Variants in ZNF599 observed in about 807,000 individuals in gnomAD.
The protein encoded by ZNF599 is zinc finger protein 599.
A neutral mutation model predicts 11.7 loss-of-function variants in ZNF599; 10 were observed. That is an observed-to-expected ratio of 0.86 (90% confidence interval 0.53 to 1.45). ZNF599 has a LOEUF of 1.45. ZNF599 is among the 40% of genes most tolerant of loss of function. The pLI, the probability that ZNF599 is intolerant of heterozygous loss-of-function variation, is 0.00. For missense variants in ZNF599, 688 were observed against 713.6 expected (o/e 0.96, Z 0.41); for synonymous variants, 232 against 253.2 (o/e 0.92, Z 0.79).
chr19:34,785,557 G>A, the ZNF599 span, among the ~76,000 whole-genome samples: 3 of 152,302 alleles, frequency 2.0e-5, no homozygotes, highest in Non-Finnish European at 2.9e-5. Context: ...CAGTGATGAT[G>A]GAAAGGGGAA....
chr19:34,760,612 A>T (rs1341473291), intron 3 of ZNF599, 53 bp from the exon 4 acceptor site: 2 of 1,450,508 alleles, frequency 1.4e-6, no homozygotes, highest in African/African-American at 1.4e-5. Context: ...TCAACAGAAC[A>T]AACAAAATCA....
At chr19:34,775,774 T>G (rs1344773232), upstream of ZNF599, among the ~76,000 whole-genome samples, 1 of 152,208 alleles carries the variant, frequency 6.6e-6, no homozygotes, top group Non-Finnish European at 1.5e-5. Flanking sequence ...AATCTAAGCT[T>G]TATTTATGAG....
Position 34,760,173 on chromosome 19 carries a change from T to G in ZNF599, c.628A>C (p.Lys210Gln). The G allele has an allele frequency of 6.2e-7, 1 of 1,614,162 alleles. No homozygotes were observed. Among genetic ancestry groups the G allele is most frequent in the Non-Finnish European group, 8.5e-7 (1 of 1,180,018 alleles). The change falls in exon 4 of 4, where the codon AAG (lysine) becomes CAG (glutamine). Residue 210 changes from lysine (K) to glutamine (Q), a missense_variant. Physicochemically the swap from Lys to Gln is moderately conservative, Grantham distance 53. Coordinates refer to ENST00000329285, the MANE Select transcript of ZNF599 (RefSeq NM_001007248.3). The stretch of plus-strand genomic sequence containing the variant: ...TGATGCCGAACAAGGGCCCACTTCT[T>G]GCTAAACCCTTTCCCACATTCCGTG... ...TCTECGKGFS[K>Q]KWALVRHQQI...
At chr19:34,773,669 T>G (rs185716450), upstream of ZNF599, among the ~76,000 whole-genome samples, 1 of 152,036 alleles carries the variant, frequency 6.6e-6, no homozygotes, top group African/African-American at 2.4e-5. Flanking sequence ...CCAATGCAAG[T>G]TCTTAGTCCC....
the ZNF599 span, among the ~76,000 whole-genome samples, chr19:34,792,784 A>G: frequency 2.0e-5 from 3 of 151,736 alleles, no homozygotes; most frequent in Admixed American, 2.0e-4. Flanking sequence ...AATGGCATGA[A>G]CCCAGGAGAC....
Position 34,759,156 on chromosome 19 carries a change from CAA to C in ZNF599, c.1643_1644del (p.Phe548CysfsTer16). 6.2e-7 allele frequency: 1 copy of C among 1,613,118 alleles called. No homozygotes were observed. The highest frequency in any genetic ancestry group is 1.1e-5 in the South Asian group (1 of 90,982). On this transcript the variant is annotated frameshift_variant, in exon 4 of 4. Coordinates refer to ENST00000329285, the MANE Select transcript of ZNF599 (RefSeq NM_001007248.3). LOFTEE classifies it low-confidence loss of function (END_TRUNC). ...TGAGTTCTCATGTGCTGAGTTAAAG[CAA>C]AGTTGTCACAGAAGGCTTTCTCACA... ...KECEKAFCDN[F>X]ALTQHMRTHT...
intron 2 of ZNF599, 86 bp from the exon 3 acceptor site, chr19:34,767,497 C>T: frequency 2.0e-6 from 2 of 998,462 alleles, no homozygotes; most frequent in Non-Finnish European, 1.5e-6. Flanking sequence ...ATATATTTAA[C>T]ATACTGCAAT....
In ZNF599 at chr19:34,773,002, G is replaced by A. The variant is rs1198696413; in HGVS notation, c.-161C>T. 1.2e-6 allele frequency: 1 copy of A among 836,362 alleles called. No individual in the cohort carries two copies. 51.8% of individuals were successfully genotyped at this position (836,362 alleles called of 1,614,324 possible). A position where few individuals can be genotyped will look rare whatever the true frequency, so the allele number is the denominator to read the frequency against. ...CGGCGCCGCCTCTGCGCGCCGTGAG[G>A]ACACAGGGCTGTCGCCAAGGCCCCA... is the stretch of plus-strand genomic sequence containing the variant. On this transcript the variant is annotated 5_prime_UTR_variant, in exon 1 of 4. Transcript: ENST00000329285.
chr19:34,783,714 C>T, the ZNF599 span, among the ~76,000 whole-genome samples: 1 of 152,162 alleles, frequency 6.6e-6, no homozygotes, highest in Non-Finnish European at 1.5e-5. Context: ...AGGGGCCCAA[C>T]GCCATCTCCC....
At chr19:34,791,472 G>T in the ZNF599 span, among the ~76,000 whole-genome samples, 1 of 152,198 alleles carries the variant, frequency 6.6e-6, no homozygotes, top group African/African-American at 2.4e-5. Flanking sequence ...CTCTCCTTGT[G>T]CTGGGCTGCT....
chr19:34,762,045 C>A (rs943235306), intron 3 of ZNF599, among the ~76,000 whole-genome samples: 1 of 152,070 alleles, frequency 6.6e-6, no homozygotes, highest in Non-Finnish European at 1.5e-5. Context: ...AAGACCATGG[C>A]GCCAGGAAGA....
At chr19:34,807,147 A>T in the ZNF599 span, among the ~76,000 whole-genome samples, 3 of 151,928 alleles carry the variant, frequency 2.0e-5, no homozygotes, top group African/African-American at 7.3e-5. Flanking sequence ...ATCTTCTGTG[A>T]CTCACCACAC....
chr19:34,805,954 T>C, the ZNF599 span, among the ~76,000 whole-genome samples: 1 of 152,184 alleles, frequency 6.6e-6, no homozygotes, highest in South Asian at 2.1e-4. Flanking sequence ...GGAACTATTA[T>C]ATATACTACC....
chr19:34,797,635 T>C, the ZNF599 span, among the ~76,000 whole-genome samples: 1 of 152,224 alleles, frequency 6.6e-6, no homozygotes, highest in Non-Finnish European at 1.5e-5. Flanking sequence ...TCTGGGAACA[T>C]CTGTATGCAG....
Position 34,767,376 on chromosome 19 carries a change from GTAGA to G in ZNF599, c.177_180del (p.Leu60TrpfsTer10). 3.7e-6 allele frequency: 6 copies of G among 1,614,162 alleles called. No homozygotes were observed. The highest frequency in any genetic ancestry group is 2.7e-5 in the African/African-American group (2 of 75,034). On this transcript the variant is annotated frameshift_variant, in exon 3 of 4. Coordinates refer to ENST00000329285, the MANE Select transcript of ZNF599 (RefSeq NM_001007248.3). LOFTEE classifies it high-confidence loss of function. ...GTCCACAGTTCCTGTCCATGTTCCA[GTAGA>G]TAGATCAGCTCTGGTTTGGGAACAG...
Position 34,759,954 on chromosome 19 carries a change from A to G in ZNF599, c.847T>C (p.Tyr283His), listed in dbSNP as rs1181928421. The part of the protein sequence containing the change: ...HQRIHTGDKP[Y>H]ECKECGKAFT... Reference sequence around the variant, plus strand: ...GCTTTGCCACATTCTTTGCACTCATAGGGCTTATCTCCGGTGTGAATACGC... The same window carrying G: ...GCTTTGCCACATTCTTTGCACTCATGGGGCTTATCTCCGGTGTGAATACGC... Residue 283 changes from tyrosine (Y) to histidine (H), a missense_variant, in exon 4 of 4, where the codon TAT (tyrosine) becomes CAT (histidine). Transcript: ENST00000329285. The G allele has an allele frequency of 1.2e-6, 2 of 1,614,096 alleles. No homozygotes were observed. The highest frequency in any genetic ancestry group is 2.7e-5 in the African/African-American group (2 of 74,924).
the ZNF599 span, among the ~76,000 whole-genome samples, chr19:34,785,940 A>G: frequency 1.3e-5 from 2 of 151,950 alleles, no homozygotes; most frequent in Non-Finnish European, 2.9e-5. Context: ...CAAGCCTCAG[A>G]CTCCACCAGT....
chr19:34,801,290 T>C, the ZNF599 span, among the ~76,000 whole-genome samples: 107 of 152,396 alleles, frequency 7.0e-4, no homozygotes, highest in African/African-American at 2.2e-3. Context: ...TCTGTGTACA[T>C]GGACAGAGAA....
chr19:34,781,155 CAAAAAA>C, the ZNF599 span, among the ~76,000 whole-genome samples: 279 of 116,194 alleles, frequency 2.4e-3, no homozygotes, highest in African/African-American at 8.5e-3. Context: ...GACTCTGTCT[CAAAAAA>C]AAATAAAAAT....
Sources: allele counts gnomAD v4.1 joint callset (sites outside exome capture counted in the v4.1 genomes callset), GRCh38; gene constraint gnomAD v4.1.1; transcripts MANE v1.5; gene names NCBI Gene and HGNC (gene_info 2026-07-23, HGNC 2026-07-21).